TMEM242: variants seen among roughly 807,000 people sequenced by gnomAD.
TMEM242 encodes UPF0463 transmembrane protein C6orf35.
Under a neutral mutation model 18.2 loss-of-function variants are expected in TMEM242, and 10 were observed. The observed-to-expected ratio is 0.55, with a 90% CI of 0.34 to 0.93. TMEM242 has a LOEUF of 0.93. Among genes scored for constraint, TMEM242 ranks in the 40% least tolerant of loss-of-function variants. TMEM242 has a pLI of 0.02. For synonymous variants in TMEM242, 57 were observed against 69.9 expected (o/e 0.81, Z 0.92); for missense variants, 186 against 175.5 (o/e 1.06, Z -0.34).
rs587700055 is a variant in TMEM242 at position 157,298,689 on chromosome 6, C to T, written c.328-5690G>A. Among the ~76,000 whole-genome samples, 4 of 152,244 alleles carry T rather than the reference C, an allele frequency of 2.6e-5. No individual in the cohort carries two copies. The East Asian group carries it at 7.7e-4, about 29-fold the overall frequency. On this transcript the variant is annotated intron_variant, in intron 3 of 3. Coordinates refer to ENST00000400788, the MANE Select transcript of TMEM242 (RefSeq NM_018452.6). ...CACTTTTTTACAGCATATAAATGAA[C>T]ATAGGTATAAGCCAGCAAGAAGAAA... is the stretch of plus-strand genomic sequence containing the variant.
intron 3 of TMEM242, among the ~76,000 whole-genome samples, chr6:157,316,666 G>A (rs587744139): frequency 6.6e-6 from 1 of 152,058 alleles, no homozygotes; most frequent in African/African-American, 2.4e-5. Flanking sequence ...CTTGAGTCCA[G>A]GAGTTCGCAA....
chr6:157,315,668 T>C (rs1554250272), intron 3 of TMEM242, among the ~76,000 whole-genome samples: 1 of 152,226 alleles, frequency 6.6e-6, no homozygotes. Context: ...CATATTCTTA[T>C]ATTCAGTAGT....
rs147459768 is a variant in TMEM242 at position 157,298,748 on chromosome 6, G to C, written c.328-5749C>G. Among the ~76,000 whole-genome samples the C allele has an allele frequency of 9.2e-5, 14 of 152,240 alleles. No individual in the cohort carries two copies. The East Asian group carries it at 2.5e-3, about 27-fold the overall frequency. Reference sequence around the variant, plus strand: ...CTAATGAAAATAATCAGAATATCTAGAACACAATAAATACTTACATCCTAC... The same window carrying C: ...CTAATGAAAATAATCAGAATATCTACAACACAATAAATACTTACATCCTAC... On this transcript the variant is annotated intron_variant, in intron 3 of 3. Coordinates refer to ENST00000400788, the MANE Select transcript of TMEM242 (RefSeq NM_018452.6).
intron 3 of TMEM242, among the ~76,000 whole-genome samples, chr6:157,294,560 C>T (rs1175344752): frequency 1.3e-5 from 2 of 151,632 alleles, no homozygotes; most frequent in African/African-American, 2.4e-5. Flanking sequence ...CCGTTTTAGC[C>T]GGGATGGTCT....
intron 3 of TMEM242, among the ~76,000 whole-genome samples, chr6:157,310,657 G>T (rs1778005342): frequency 2.0e-5 from 3 of 149,478 alleles, no homozygotes; most frequent in African/African-American, 7.6e-5. Flanking sequence ...CGCTCACCCG[G>T]CCTCATCATA....
chr6:157,289,944 CCT>C lies in TMEM242; in HGVS notation c.*2955_*2956del, dbSNP rs2128412138. 6.6e-6 allele frequency: 1 copy of C among 152,374 alleles called. No homozygotes were observed. Among genetic ancestry groups the C allele is most frequent in the African/African-American group, 2.4e-5 (1 of 41,572 alleles). 9.4% of individuals were successfully genotyped at this position (152,374 alleles called of 1,614,324 possible). On this transcript the variant is annotated 3_prime_UTR_variant, in exon 4 of 4. Transcript: ENST00000400788. ...TGCTTCCATGCCCTTGGGCCATGGT[CCT>C]CCTGGTGATGGGCTGCCGGGCGTCT...
At chr6:157,304,381 C>T (rs988049519) in intron 3 of TMEM242, among the ~76,000 whole-genome samples, 4 of 137,518 alleles carry the variant, frequency 2.9e-5, no homozygotes, top group African/African-American at 1.1e-4. Flanking sequence ...AGGAAAATTG[C>T]TTGAACCCAA....
chr6:157,311,090 C>G (rs1425344152), intron 3 of TMEM242, among the ~76,000 whole-genome samples: 5 of 148,814 alleles, frequency 3.4e-5, no homozygotes, highest in African/African-American at 1.3e-4. Flanking sequence ...TCACACCTAG[C>G]CACATCATAG....
At position 157,322,197 on chromosome 6, in the gene TMEM242, C is replaced by T. The variant is rs146836495; in HGVS notation, c.189+508G>A. ...CCAGGTTGAAGTGCAGTGGTGTTAT[C>T]TGGGCTCACTACAACCTCAGCCTCC... On this transcript the variant is annotated intron_variant, in intron 2 of 3. Coordinates refer to ENST00000400788, the MANE Select transcript of TMEM242 (RefSeq NM_018452.6). Among the ~76,000 whole-genome samples, 496 of 152,308 alleles carry T rather than the reference C, an allele frequency of 3.3e-3. 2 individuals carry two copies. The highest frequency in any genetic ancestry group is 0.01 in the African/African-American group (430 of 41,558).
chr6:157,314,122 C>T (rs1778328402), intron 3 of TMEM242, among the ~76,000 whole-genome samples: 1 of 151,666 alleles, frequency 6.6e-6, no homozygotes, highest in Non-Finnish European at 1.5e-5. Context: ...CATTGTGTCC[C>T]AGTGTGCGCT....
Position 157,322,721 on chromosome 6 carries a change from G to A in TMEM242, c.173C>T (p.Pro58Leu), listed in dbSNP as rs113658002. Residue 58 changes from proline (P) to leucine (L), a missense_variant, in exon 2 of 4, where the codon CCT becomes CTT. Transcript: ENST00000400788. ...GTCACCAACCTTATTGAACCATTCA[G>A]GGCTTTTCTTTTTAGCCAATGATAA... ...TTLSLAKKKS[P>L]EWFNKGSMAT... The A allele has an allele frequency of 5.0e-4, 801 of 1,613,682 alleles. 7 individuals carry two copies. The highest frequency in any genetic ancestry group is 8.8e-5 in the Non-Finnish European group (104 of 1,179,880).
chr6:157,312,614 CCTCACCA>C (rs1778203692), intron 3 of TMEM242, among the ~76,000 whole-genome samples: 3 of 147,898 alleles, frequency 2.0e-5, no homozygotes, highest in East Asian at 2.0e-4. Flanking sequence ...ACTCACCTAG[CCTCACCA>C]TAGTGTCGCA....
In TMEM242 at chr6:157,322,780, A is replaced by C. The variant is rs200863010; in HGVS notation, c.114T>G (p.Ala38=). 2.5e-6 allele frequency: 4 copies of C among 1,613,976 alleles called. No homozygotes were observed. The African/African-American group carries it at 4.0e-5, about 16-fold the overall frequency. Residue 38 remains alanine (A), a synonymous_variant, in exon 2 of 4, where the codon GCT becomes GCG. Transcript: ENST00000400788. ...VKGGIFLGTV[A]AAGMLAGFIT... ...TAAATCCAGCTAGCATTCCCGCTGCAGCAACGGTACCAAGGAAAATTCCAC... is the reference window on the plus strand; with the variant it reads ...TAAATCCAGCTAGCATTCCCGCTGCCGCAACGGTACCAAGGAAAATTCCAC...
intron 3 of TMEM242, among the ~76,000 whole-genome samples, chr6:157,313,145 T>A (rs1181384617): frequency 6.5e-5 from 7 of 107,282 alleles, no homozygotes; most frequent in Non-Finnish European, 1.4e-4. Context: ...TGTCCCAGTG[T>A]GCGCTCACCT....
chr6:157,312,091 CT>C (rs1562384142), intron 3 of TMEM242, among the ~76,000 whole-genome samples: 9 of 115,322 alleles, frequency 7.8e-5, no homozygotes, highest in Non-Finnish European at 1.1e-4. Flanking sequence ...ACATAGTGCC[CT>C]AGTGTCCCCT....
intron 3 of TMEM242, among the ~76,000 whole-genome samples, chr6:157,302,591 T>C (rs1554247601): frequency 6.6e-6 from 1 of 152,230 alleles, no homozygotes. Flanking sequence ...AAAGCAGCTT[T>C]TTTATTTACA....
chr6:157,299,460 T>C, intron 3 of TMEM242: 1 of 1,385,324 alleles, frequency 7.2e-7, no homozygotes, highest in Non-Finnish European at 1.0e-6. Context: ...CCGTGGCAGT[T>C]TTCAGAGTGG....
intron 3 of TMEM242, chr6:157,318,404 A>G: frequency 4.5e-6 from 1 of 223,624 alleles, no homozygotes; most frequent in Non-Finnish European, 8.7e-6. Context: ...TAATTTTTTT[A>G]TAGAGACAGG....
chr6:157,304,192 G>A (rs368507382), intron 3 of TMEM242, among the ~76,000 whole-genome samples: 9 of 152,128 alleles, frequency 5.9e-5, no homozygotes, highest in African/African-American at 1.7e-4. Flanking sequence ...TAGCCTGGGC[G>A]CAGTGACTCG....
Sources: allele counts gnomAD v4.1 joint callset (sites outside exome capture counted in the v4.1 genomes callset), GRCh38; gene constraint gnomAD v4.1.1; transcripts MANE v1.5; gene names NCBI Gene and HGNC (gene_info 2026-07-23, HGNC 2026-07-21).